Variants in SLC12A9 observed in about 807,000 individuals in gnomAD.
The protein encoded by SLC12A9 is solute carrier family 12 member 9.
In SLC12A9, 55 loss-of-function variants were observed where a neutral mutation model predicts 66.0. That is an observed-to-expected ratio of 0.83 (90% CI 0.67 to 1.04). The LOEUF (loss-of-function observed/expected upper bound fraction) is 1.04. Among genes scored for constraint, SLC12A9 ranks in the 50% least tolerant of loss-of-function variants. The pLI, the probability that SLC12A9 is intolerant of heterozygous loss-of-function variation, is 0.00. For missense variants in SLC12A9, 1,061 were observed against 1,241.9 expected, an observed-to-expected ratio of 0.85 and a Z score of 2.19; for synonymous variants, 577 against 569.0, an observed-to-expected ratio of 1.01 and a Z score of -0.20.
chr7:100,832,878 C>T (rs552052020), intron 1 of SLC12A9, among the ~76,000 whole-genome samples: 171 of 152,008 alleles, frequency 1.1e-3, no homozygotes, highest in Middle Eastern at 3.4e-3. Flanking sequence ...CAGGCTCAAG[C>T]GATCCTCCTG....
At chr7:100,836,216 A>G (rs1225746131) in intron 1 of SLC12A9, among the ~76,000 whole-genome samples, 4 of 152,100 alleles carry the variant, frequency 2.6e-5, no homozygotes, top group Non-Finnish European at 5.9e-5. Flanking sequence ...AGTAAGAAGG[A>G]CTATTTGTGG....
At chr7:100,834,285 A>G (rs1172439789) in intron 1 of SLC12A9, among the ~76,000 whole-genome samples, 2 of 152,138 alleles carry the variant, frequency 1.3e-5, no homozygotes, top group Non-Finnish European at 2.9e-5. Flanking sequence ...GAGGGCAAGG[A>G]CAGTGACCAT....
At position 100,859,886 on chromosome 7, in the gene SLC12A9, A is replaced by G; in HGVS notation, c.979A>G (p.Thr327Ala). 6.3e-7 allele frequency: 1 copy of G among 1,598,340 alleles called. No homozygotes were observed. Among genetic ancestry groups the G allele is most frequent in the Admixed American group, 1.7e-5 (1 of 59,684 alleles). Residue 327 changes from threonine to alanine, a missense_variant and splice_region_variant, in exon 8 of 14, where the codon ACC (threonine) becomes GCC (alanine). By Grantham distance (58) the Thr-to-Ala change is moderately conservative. Coordinates refer to ENST00000354161, the MANE Select transcript of SLC12A9 (RefSeq NM_020246.4). Reference sequence around the variant, plus strand: ...TGTCCTCCTTTTCCTCCTTCCTAGGACCCTGCTGCAGGAAGACTATGGGTT... The same window carrying G: ...TGTCCTCCTTTTCCTCCTTCCTAGGGCCCTGCTGCAGGAAGACTATGGGTT... ...FFLSSFTCDR[T>A]LLQEDYGFFR...
intron 9 of SLC12A9, 172 bp from the exon 10 acceptor site, chr7:100,860,966 T>G: frequency 1.3e-5 from 15 of 1,157,178 alleles, no homozygotes; most frequent in Non-Finnish European, 1.9e-5. Flanking sequence ...TTTAATAGCA[T>G]TTTGGGGGTT....
intron 1 of SLC12A9, chr7:100,827,087 A>AG (rs1242009930): frequency 7.0e-5 from 108 of 1,537,680 alleles, no homozygotes; most frequent in South Asian, 5.4e-4. Context: ...TCGCCCCCCC[A>AG]GGTCTGACTC....
chr7:100,828,626 C>T (rs942987002), intron 1 of SLC12A9, among the ~76,000 whole-genome samples: 1 of 151,506 alleles, frequency 6.6e-6, no homozygotes, highest in African/African-American at 2.4e-5. Flanking sequence ...CCAAATCGCC[C>T]TTCTCACTCT....
Position 100,859,310 on chromosome 7 carries a change from A to T in SLC12A9, c.977+149A>T, listed in dbSNP as rs886331317. The T allele has an allele frequency of 5.6e-6, 4 of 714,024 alleles. No homozygotes were observed. In the Admixed American group the frequency reaches 9.3e-5, roughly 17 times the overall value. 44.2% of individuals were successfully genotyped at this position (714,024 alleles called of 1,614,324 possible). ...CGGCGATTGACAACCTATAGCCAGCAGCTGCCATGGACCCAGTACTGTTGC... is the reference window on the plus strand; with the variant it reads ...CGGCGATTGACAACCTATAGCCAGCTGCTGCCATGGACCCAGTACTGTTGC... On this transcript the variant is annotated intron_variant, in intron 7 of 13. Transcript: ENST00000354161.
intron 1 of SLC12A9, among the ~76,000 whole-genome samples, chr7:100,840,203 T>C (rs1158475895): frequency 1.3e-5 from 2 of 152,174 alleles, no homozygotes; most frequent in Non-Finnish European, 2.9e-5. Flanking sequence ...GTGCGTGTGG[T>C]GTGAGTGTGG....
Position 100,866,535 on chromosome 7 carries a change from C to T in SLC12A9, c.2675C>T (p.Thr892Ile). ...CCCCGCTACCTGGCGCTACTGGAGA[C>T]TCTAACCCGAGACCTGGGCCCCACG... ...RYPRYLALLE[T>I]LTRDLGPTLL... The change falls in exon 14 of 14, where the codon ACT becomes ATT. Residue 892 changes from threonine (T) to isoleucine (I), a missense_variant. Physicochemically the swap from Thr to Ile is moderately conservative, Grantham distance 89 (BLOSUM62 -1). Transcript: ENST00000354161. The surrounding 1 kb of genome is among the most constrained non-coding windows in gnomAD (Gnocchi z 7.3). The T allele has an allele frequency of 1.3e-6, 2 of 1,582,696 alleles. No individual in the cohort carries two copies. The highest frequency in any genetic ancestry group is 1.7e-6 in the Non-Finnish European group (2 of 1,165,412).
intron 13 of SLC12A9, among the ~76,000 whole-genome samples, chr7:100,863,062 CTT>C (rs759001347): frequency 8.1e-5 from 11 of 136,456 alleles, no homozygotes; most frequent in Non-Finnish European, 1.1e-4. Flanking sequence ...TTTCCTTCTT[CTT>C]TTTTTTTTTT....
Position 100,865,882 on chromosome 7 carries a change from C to T in SLC12A9, c.2022C>T (p.Ser674=), listed in dbSNP as rs149306595. 1,020 of 1,613,634 alleles carry T rather than the reference C, an allele frequency of 6.3e-4. No homozygotes were observed. Among genetic ancestry groups the T allele is most frequent in the Non-Finnish European group, 7.9e-4 (928 of 1,179,978 alleles). ...TCCCTCCTCCCCGGGCTCCTGGGAG[C>T]CCCCGGGCCCTCAATCCCCAGGACT... is the stretch of plus-strand genomic sequence containing the variant. The part of the protein sequence containing the change: ...TLFPPPRAPG[S]PRALNPQDYV... Residue 674 remains serine, a synonymous_variant, in exon 14 of 14, where the codon AGC becomes AGT. Transcript: ENST00000354161.
At chr7:100,854,018 C>T (rs973574090) in intron 1 of SLC12A9, 138 bp from the exon 2 acceptor site, 6 of 536,282 alleles carry the variant, frequency 1.1e-5, no homozygotes, top group Non-Finnish European at 1.5e-5. Flanking sequence ...CATGAACCAC[C>T]GAGCCTGGCC....
In SLC12A9 at chr7:100,865,868, C is replaced by T. The variant is rs751966645; in HGVS notation, c.2008C>T (p.Arg670Trp). The change falls in exon 14 of 14, where the codon CGG (arginine) becomes TGG (tryptophan). Residue 670 changes from arginine (R) to tryptophan (W), a missense_variant. Coordinates refer to ENST00000354161, the MANE Select transcript of SLC12A9 (RefSeq NM_020246.4). ...TCTGAGCACCCTGTTCCCTCCTCCC[C>T]GGGCTCCTGGGAGCCCCCGGGCCCT... is the stretch of plus-strand genomic sequence containing the variant. The part of the protein sequence containing the change: ...PALSTLFPPP[R>W]APGSPRALNP... 3.7e-5 allele frequency: 59 copies of T among 1,613,586 alleles called. No individual in the cohort carries two copies. The highest frequency in any genetic ancestry group is 4.5e-5 in the East Asian group (2 of 44,880).
chr7:100,863,836 C>G (rs1814910882), intron 13 of SLC12A9, among the ~76,000 whole-genome samples: 1 of 152,164 alleles, frequency 6.6e-6, no homozygotes, highest in Admixed American at 6.5e-5. Context: ...GGACATTGCC[C>G]AGTTCAGTGT....
At chr7:100,840,667 A>C (rs1285634209) in intron 1 of SLC12A9, among the ~76,000 whole-genome samples, 2 of 151,970 alleles carry the variant, frequency 1.3e-5, no homozygotes, top group African/African-American at 4.8e-5. Context: ...GAGAGAAAGA[A>C]ATGCAGAGAG....
Position 100,862,708 on chromosome 7 carries a change from C to T in SLC12A9, c.1739C>T (p.Pro580Leu), listed in dbSNP as rs752976353. 9 of 1,614,096 alleles carry T rather than the reference C, an allele frequency of 5.6e-6. 1 individual carries two copies. The highest frequency in any genetic ancestry group is 4.4e-5 in the South Asian group (4 of 91,096). ...TCCCTGCCCTCGGACCCTGTACAGC[C>T]GCAGTATGGGGCATGGCTCAGCCTG... Reference protein sequence around the residue: ...LDSLPSDPVQPQYGAWLSLVD... With the variant: ...LDSLPSDPVQLQYGAWLSLVD... The change falls in exon 13 of 14, where the codon CCG becomes CTG. Residue 580 changes from proline to leucine, a missense_variant. By Grantham distance (98) the Pro-to-Leu change is moderately conservative. Transcript: ENST00000354161.
chr7:100,859,525 G>A (rs1814609051), intron 7 of SLC12A9: 2 of 371,524 alleles, frequency 5.4e-6, no homozygotes, highest in Admixed American at 8.8e-5. Flanking sequence ...AGACCAGCCT[G>A]GGCAACAGAG....
At chr7:100,829,112 C>T (rs559791058) in intron 1 of SLC12A9, among the ~76,000 whole-genome samples, 21 of 152,108 alleles carry the variant, frequency 1.4e-4, no homozygotes, top group Non-Finnish European at 2.4e-4. Context: ...CTCAGCCTCC[C>T]GAGTAGCTGG....
rs140479354 is a variant in SLC12A9, at chr7:100,855,836, C to T, written c.447C>T (p.Ala149=). ...AGTCTGTGCTTGATGTCTTCGGGGCCGGTCTGTGCTCTGTCCGATCTGGGC... is the reference window on the plus strand; with the variant it reads ...AGTCTGTGCTTGATGTCTTCGGGGCTGGTCTGTGCTCTGTCCGATCTGGGC... ...LVESVLDVFG[A]DATGPSGLRV... is the part of the protein sequence containing the mutation. Residue 149 remains alanine, a splice_region_variant and synonymous_variant, in exon 4 of 14, where the codon GCC becomes GCT. Transcript: ENST00000354161. 2.8e-4 allele frequency: 454 copies of T among 1,604,202 alleles called. 1 individual carries two copies. Among genetic ancestry groups the T allele is most frequent in the African/African-American group, 2.6e-3 (196 of 74,906 alleles).
Sources: gnomAD v4.1 joint callset for allele counts (sites outside exome capture counted in the v4.1 genomes callset) on GRCh38, gnomAD v4.1.1 for gene constraint, Gnocchi (gnomAD v3.1) non-coding constraint, MANE v1.5 for transcripts, NCBI Gene and HGNC (gene_info 2026-07-23, HGNC 2026-07-21) for gene names.